Variants in RBFOX1 observed in about 807,000 individuals in gnomAD.
RBFOX1 encodes RNA binding protein fox-1 homolog 1.
Under a neutral mutation model 57.7 loss-of-function variants are expected in RBFOX1, and 8 were observed. The ratio of observed to expected loss-of-function variants is 0.14; its 90% confidence interval spans 0.08 to 0.25. The LOEUF is 0.25. Ranked by LOEUF, RBFOX1 falls within the 10% of genes least tolerant of loss-of-function variation. The pLI, the probability that RBFOX1 is intolerant of heterozygous loss-of-function variation, is 1.00. For synonymous variants in RBFOX1, 326 were observed against 222.4 expected, an observed-to-expected ratio of 1.47 and a Z score of -4.15; for missense variants, 611 against 548.5, an observed-to-expected ratio of 1.11 and a Z score of -1.14.
chr16:7,407,844 T>G (rs1227752588), intron 4 of RBFOX1, among the ~76,000 whole-genome samples: 1 of 152,168 alleles, frequency 6.6e-6, no homozygotes, highest in Admixed American at 6.6e-5. Flanking sequence ...ACTATGGCCC[T>G]GGGACCTAAT....
chr16:5,582,254 A>G (rs938242659), intron 2 of RBFOX1, among the ~76,000 whole-genome samples: 13 of 152,238 alleles, frequency 8.5e-5, no homozygotes, highest in Admixed American at 2.6e-4. Context: ...GGAGCATCTG[A>G]GGCATGACTG....
chr16:6,297,531 G>A (rs556684674), intron 1 of RBFOX1, among the ~76,000 whole-genome samples: 4 of 152,124 alleles, frequency 2.6e-5, no homozygotes, highest in Non-Finnish European at 5.9e-5. Flanking sequence ...TGTAAAATGA[G>A]AATAGTGGTG....
intron 2 of RBFOX1, among the ~76,000 whole-genome samples, chr16:6,550,848 C>A (rs7194180): frequency 0.97 from 147,366 of 152,336 alleles, 71,485 homozygotes; most frequent in East Asian, 1. Context: ...AATGCCTGGC[C>A]CTAAATAGAT....
At chr16:5,531,968 T>G (rs2044496191) in intron 2 of RBFOX1, among the ~76,000 whole-genome samples, 1 of 152,036 alleles carries the variant, frequency 6.6e-6, no homozygotes, top group African/African-American at 2.4e-5. Context: ...CCTGGCTAAT[T>G]TTTGTATTTT....
At chr16:5,455,575 A>G (rs923587565) in intron 1 of RBFOX1, among the ~76,000 whole-genome samples, 1 of 152,152 alleles carries the variant, frequency 6.6e-6, no homozygotes, top group Non-Finnish European at 1.5e-5. Flanking sequence ...CATTTTCAGT[A>G]TGCCTTTTTT....
chr16:6,793,339 T>A (rs1367272932), intron 3 of RBFOX1, among the ~76,000 whole-genome samples: 1 of 152,204 alleles, frequency 6.6e-6, no homozygotes, highest in Non-Finnish European at 1.5e-5. Context: ...TTGAGTTTTT[T>A]TTCCAAAATA....
rs1184530403 is a variant in RBFOX1, at chr16:5,668,796, G to GAAATGCTC, written c.318+69836_318+69843dup. 3.9e-5 allele frequency among the ~76,000 whole-genome samples: 6 copies of GAAATGCTC among 152,224 alleles called. No individual in the cohort carries two copies. In the East Asian group the frequency reaches 1.2e-3, roughly 29 times the overall value. Reference sequence around the variant, plus strand: ...TATGAGGTCATTCACCATTATCTCGGAAATGCTCGTAGCTGGTCTGAAGTT... The same window carrying GAAATGCTC: ...TATGAGGTCATTCACCATTATCTCGGAAATGCTCAAATGCTCGTAGCTGGTCTGAAGTT... On this transcript the variant is annotated intron_variant, in intron 3 of 19. Coordinates refer to the RBFOX1 transcript ENST00000641259.
At chr16:5,524,897 A>G (rs1442625506) in intron 2 of RBFOX1, among the ~76,000 whole-genome samples, 2 of 152,050 alleles carry the variant, frequency 1.3e-5, no homozygotes, top group African/African-American at 4.8e-5. Context: ...AGCCTTCTCT[A>G]ACTTCCCAGC....
chr16:6,356,345 C>A (rs1377436022), intron 2 of RBFOX1, among the ~76,000 whole-genome samples: 1 of 152,130 alleles, frequency 6.6e-6, no homozygotes, highest in Non-Finnish European at 1.5e-5. Context: ...TTGTTGGTAC[C>A]CTTGATCACT....
At chr16:6,957,850 C>T (rs1452647083) in intron 3 of RBFOX1, among the ~76,000 whole-genome samples, 1 of 152,164 alleles carries the variant, frequency 6.6e-6, no homozygotes, top group Non-Finnish European at 1.5e-5. Context: ...CCTGGACTTC[C>T]TCCTAGCGTG....
At chr16:6,527,905 C>T (rs2096603439) in intron 2 of RBFOX1, among the ~76,000 whole-genome samples, 1 of 152,038 alleles carries the variant, frequency 6.6e-6, no homozygotes, top group Non-Finnish European at 1.5e-5. Context: ...GTCACGATTC[C>T]ATGCTTTATC....
rs989696559 is a variant in RBFOX1, at chr16:6,136,466, A to G, written c.-127+116474A>G. Among the ~76,000 whole-genome samples the G allele has an allele frequency of 1.1e-4, 17 of 152,290 alleles. No homozygotes were observed. The East Asian group carries it at 3.1e-3, about 28-fold the overall frequency. ...AAAGAAAGCATGGAGAATTGCGGTG[A>G]TAAGGGCTTACGCTTCATTTTTTAT... On this transcript the variant is annotated intron_variant, in intron 1 of 15. Transcript: ENST00000550418.
chr16:6,807,308 C>A (rs899881430), intron 3 of RBFOX1, among the ~76,000 whole-genome samples: 1 of 151,962 alleles, frequency 6.6e-6, no homozygotes, highest in African/African-American at 2.4e-5. Flanking sequence ...AGTTCTAGGG[C>A]ATACAATGAA....
At chr16:6,793,157 C>T (rs1603624614) in intron 3 of RBFOX1, among the ~76,000 whole-genome samples, 1 of 152,168 alleles carries the variant, frequency 6.6e-6, no homozygotes, top group African/African-American at 2.4e-5. Context: ...TTTAAGAACC[C>T]AGAAATTAAA....
chr16:5,729,174 T>C (rs1246105564), intron 3 of RBFOX1, among the ~76,000 whole-genome samples: 1 of 152,156 alleles, frequency 6.6e-6, no homozygotes, highest in Non-Finnish European at 1.5e-5. Flanking sequence ...AAACTGTGTG[T>C]CTTTGGGCGA....
chr16:5,758,378 C>A (rs77189340), intron 3 of RBFOX1, among the ~76,000 whole-genome samples: 1 of 152,102 alleles, frequency 6.6e-6, no homozygotes, highest in Non-Finnish European at 1.5e-5. Context: ...CTTGTAACTG[C>A]GAGCTTGGTC....
intron 3 of RBFOX1, among the ~76,000 whole-genome samples, chr16:7,014,082 A>G (rs189148514): frequency 5.1e-4 from 77 of 152,336 alleles, no homozygotes; most frequent in African/African-American, 1.6e-3. Flanking sequence ...TAAATACACA[A>G]TGTCATTGGA....
At chr16:5,984,872 A>G (rs2060249282) in intron 4 of RBFOX1, among the ~76,000 whole-genome samples, 1 of 150,988 alleles carries the variant, frequency 6.6e-6, no homozygotes, top group African/African-American at 2.4e-5. Flanking sequence ...TTGTGAATCA[A>G]AACACACCTA....
chr16:6,627,071 G>A (rs1292385164), intron 2 of RBFOX1, among the ~76,000 whole-genome samples: 5 of 152,174 alleles, frequency 3.3e-5, no homozygotes, highest in African/African-American at 7.2e-5. Flanking sequence ...TAGTCCTGGC[G>A]GTCTGGCTCT....
Sources: allele counts gnomAD v4.1 joint callset (sites outside exome capture counted in the v4.1 genomes callset), GRCh38; gene constraint gnomAD v4.1.1; transcripts MANE v1.5; gene names NCBI Gene and HGNC (gene_info 2026-07-23, HGNC 2026-07-21).